Variants in SGTA observed in about 807,000 individuals in gnomAD.
The protein encoded by SGTA is small glutamine rich tetratricopeptide repeat co-chaperone alpha.
In SGTA, 22 loss-of-function variants were observed where a neutral mutation model predicts 44.3. The observed-to-expected ratio is 0.50, with a 90% confidence interval of 0.36 to 0.71. The LOEUF (loss-of-function observed/expected upper bound fraction) is 0.71, where lower values mean the gene tolerates loss of function less well. Ranked by LOEUF, SGTA falls within the 30% of genes least tolerant of loss-of-function variation. The pLI is 0.00. For missense variants in SGTA, 341 were observed against 435.9 expected (o/e 0.78, Z 1.94); for synonymous variants, 174 against 177.6 (o/e 0.98, Z 0.16).
intron 9 of SGTA, 76 bp from the exon 10 acceptor site, chr19:2,757,858 G>A (rs113454406): frequency 0.011 from 10,297 of 971,792 alleles, 87 homozygotes; most frequent in Non-Finnish European, 0.012. Flanking sequence ...GCAGTGGCCC[G>A]GGAGAGAATC....
At chr19:2,781,779 C>T (rs577880817) in intron 1 of SGTA, among the ~76,000 whole-genome samples, 36 of 152,060 alleles carry the variant, frequency 2.4e-4, no homozygotes, top group Non-Finnish European at 4.4e-4. Context: ...ACTTTGTACA[C>T]GATTTCCCGG....
chr19:2,766,561 T>C (rs1447867965), intron 4 of SGTA, among the ~76,000 whole-genome samples: 1 of 151,540 alleles, frequency 6.6e-6, no homozygotes, highest in Non-Finnish European at 1.5e-5. Flanking sequence ...GCCTCCTGAG[T>C]AGTTGGGATT....
At chr19:2,757,100 GTGGGGAGCAGGACT>G (rs1293204542) in intron 11 of SGTA, among the ~76,000 whole-genome samples, 20 of 152,206 alleles carry the variant, frequency 1.3e-4, no homozygotes, top group African/African-American at 4.8e-4. Context: ...TGGGAAAGGA[GTGGGGAGCAGGACT>G]TGGTGGCCAC....
At chr19:2,781,484 G>C (rs955493052) in intron 1 of SGTA, among the ~76,000 whole-genome samples, 11 of 152,218 alleles carry the variant, frequency 7.2e-5, no homozygotes, top group Admixed American at 2.6e-4. Flanking sequence ...GAGTGTGGCT[G>C]TGTTCCTACA....
intron 1 of SGTA, among the ~76,000 whole-genome samples, chr19:2,774,471 C>T (rs1003033390): frequency 3.3e-5 from 5 of 152,180 alleles, no homozygotes; most frequent in South Asian, 2.1e-4. Context: ...CTTCCTATCA[C>T]GTCTATGCAA....
Position 2,755,537 on chromosome 19 carries a change from C to A in SGTA, c.*403G>T. The A allele has an allele frequency of 1.0e-6, 1 of 985,666 alleles. No homozygotes were observed. Among genetic ancestry groups the A allele is most frequent in the Non-Finnish European group, 1.2e-6 (1 of 829,508 alleles). The allele number at this position is 985,666 out of a possible 1,614,324, so 61.1% of individuals were successfully genotyped here. A position where few individuals can be genotyped will look rare whatever the true frequency, so the allele number is the denominator to read the frequency against. ...CGGGAGAGTTCCTGCAGACAGACCA[C>A]GGGATGGGGGGCGGGGGCTGTAAAA... On this transcript the variant is annotated 3_prime_UTR_variant, in exon 12 of 12. Transcript: ENST00000221566. The surrounding 1 kb of genome is among the most constrained non-coding windows in gnomAD (Gnocchi z 5.2).
rs565080238 is a variant in SGTA at position 2,762,928 on chromosome 19, C to T, written c.498-284G>A. 3.1e-4 allele frequency among the ~76,000 whole-genome samples: 47 copies of T among 152,344 alleles called. No individual in the cohort carries two copies. In the South Asian group the frequency reaches 9.7e-3, roughly 32 times the overall value. ...GAGCGGGCTGAGAGGAGGGAGCGGG[C>T]CAGCTCAGGGTCACAGGAAATGCGT... On this transcript the variant is annotated intron_variant, in intron 6 of 11. Coordinates refer to ENST00000221566, the MANE Select transcript of SGTA (RefSeq NM_003021.4).
At chr19:2,757,608 C>A in intron 10 of SGTA, 85 bp downstream of exon 10, 2 of 1,438,432 alleles carry the variant, frequency 1.4e-6, no homozygotes, top group South Asian at 1.4e-5. Context: ...GGGGACGCAG[C>A]ACTTTCGCTC....
intron 1 of SGTA, among the ~76,000 whole-genome samples, chr19:2,771,929 G>T (rs1052361549): frequency 6.6e-6 from 1 of 152,198 alleles, no homozygotes; most frequent in Non-Finnish European, 1.5e-5. Context: ...CTGGGCAGCC[G>T]CCTTCCCTGG....
chr19:2,772,840 G>A (rs1915347394), intron 1 of SGTA, among the ~76,000 whole-genome samples: 1 of 124,068 alleles, frequency 8.1e-6, no homozygotes, highest in Admixed American at 7.5e-5. Flanking sequence ...GGACACCGAG[G>A]GCAGAGGTGG....
chr19:2,773,914 T>C lies in SGTA; in HGVS notation c.-23-4823A>G. Among the ~76,000 whole-genome samples, 2 of 92,886 alleles carry C rather than the reference T, an allele frequency of 2.2e-5. 1 individual carries two copies. Among genetic ancestry groups the C allele is most frequent in the Non-Finnish European group, 3.7e-5 (2 of 53,944 alleles). 60.9% of individuals were successfully genotyped at this position (92,886 alleles called of 152,430 possible). On this transcript the variant is annotated intron_variant, in intron 1 of 11. Coordinates refer to ENST00000221566, the MANE Select transcript of SGTA (RefSeq NM_003021.4). ...ACGGCAGGGACTCCGAGGGCAGAGA[T>C]GGGTGACGCGGCCACACGGCAGGGA...
intron 1 of SGTA, among the ~76,000 whole-genome samples, chr19:2,783,000 C>A (rs914175358): frequency 6.6e-6 from 1 of 152,232 alleles, no homozygotes; most frequent in Non-Finnish European, 1.5e-5. Flanking sequence ...GCCACCAGGC[C>A]GCGGACCAGC....
intron 1 of SGTA, chr19:2,782,722 G>A (rs1334540468): frequency 1.3e-5 from 2 of 152,222 alleles, no homozygotes; most frequent in Admixed American, 1.3e-4. Flanking sequence ...GCTGGACCCT[G>A]CGGCTCTCCT....
chr19:2,772,163 C>G (rs1915327599), intron 1 of SGTA, among the ~76,000 whole-genome samples: 1 of 152,228 alleles, frequency 6.6e-6, no homozygotes, highest in Admixed American at 6.5e-5. Flanking sequence ...TGGGGAACCA[C>G]CGTGAGGAGA....
At chr19:2,768,635 G>A (rs1199450084) in intron 2 of SGTA, among the ~76,000 whole-genome samples, 1 of 152,218 alleles carries the variant, frequency 6.6e-6, no homozygotes, top group African/African-American at 2.4e-5. Flanking sequence ...CCCCGTGACC[G>A]ATGGTGACAC....
chr19:2,769,144 G>A, intron 1 of SGTA, 53 bp from the exon 2 acceptor site: 1 of 1,116,882 alleles, frequency 9.0e-7, no homozygotes, highest in Admixed American at 1.8e-5. Flanking sequence ...CCCACTCCAG[G>A]CACCCCAGGC....
intron 9 of SGTA, among the ~76,000 whole-genome samples, chr19:2,758,243 C>T (rs761278238): frequency 3.3e-5 from 5 of 152,150 alleles, no homozygotes; most frequent in Non-Finnish European, 7.4e-5. Flanking sequence ...AAGATTTGAC[C>T]GTGGGCCAGC....
intron 8 of SGTA, 48 bp from the exon 9 acceptor site, chr19:2,759,342 C>A (rs1914919747): frequency 6.4e-7 from 1 of 1,557,464 alleles, no homozygotes; most frequent in Non-Finnish European, 8.9e-7. Flanking sequence ...CCCAGCGCAT[C>A]ATTCTCTTTC....
rs1915099899 is a variant in SGTA at position 2,765,045 on chromosome 19, C to T, written c.392+141G>A. 3 of 627,644 alleles carry T rather than the reference C, an allele frequency of 4.8e-6. No homozygotes were observed. The highest frequency in any genetic ancestry group is 5.7e-6 in the Non-Finnish European group (2 of 352,042). 38.9% of individuals were successfully genotyped at this position (627,644 alleles called of 1,614,324 possible). On this transcript the variant is annotated intron_variant, in intron 5 of 11. Transcript: ENST00000221566. The surrounding 1 kb of genome is among the most constrained non-coding windows in gnomAD (Gnocchi z 5.5). ...ACCCCGTTGCTGGTCACCTGATGCT[C>T]GCTCCTGGTCTGAGACCACCGGTGA...
Sources: gnomAD v4.1 joint callset for allele counts (sites outside exome capture counted in the v4.1 genomes callset) on GRCh38, gnomAD v4.1.1 for gene constraint, Gnocchi (gnomAD v3.1) non-coding constraint, MANE v1.5 for transcripts, NCBI Gene and HGNC (gene_info 2026-07-23, HGNC 2026-07-21) for gene names.